PCDHA7: variants seen among roughly 807,000 people sequenced by gnomAD.
The protein encoded by PCDHA7 is protocadherin alpha-7.
Under a neutral mutation model 57.2 loss-of-function variants are expected in PCDHA7, and 37 were observed. The ratio of observed to expected loss-of-function variants is 0.65; its 90% CI spans 0.50 to 0.85. The LOEUF is 0.85. Ranked by LOEUF, PCDHA7 falls within the 40% of genes least tolerant of loss-of-function variation. The pLI is 0.00. For missense variants in PCDHA7, 1,188 were observed against 1,241.8 expected (o/e 0.96, Z 0.65); for synonymous variants, 553 against 558.8 (o/e 0.99, Z 0.15).
intron 1 of PCDHA7, chr5:140,854,181 AGTT>A: frequency 2.3e-6 from 1 of 434,280 alleles, no homozygotes; most frequent in Non-Finnish European, 3.0e-6. Context: ...AAAAAAGAGT[AGTT>A]TAACTACTCC....
intron 1 of PCDHA7, chr5:140,860,372 C>A (rs1315450697): frequency 1.3e-5 from 2 of 151,984 alleles, no homozygotes; most frequent in Non-Finnish European, 2.9e-5. Flanking sequence ...CAAAGTGAGA[C>A]CCTATTTCAA....
Position 141,000,581 on chromosome 5 carries a change from C to G in PCDHA7, c.2504-9046C>G, listed in dbSNP as rs960660351. On this transcript the variant is annotated intron_variant, in intron 3 of 3. Transcript: ENST00000525929. ...TAGCTGGGATTACAGGTGCCTGCCA[C>G]CATGCCCAGCTAATTTTTGTATTTT... is the stretch of plus-strand genomic sequence containing the variant. 2.0e-5 allele frequency among the ~76,000 whole-genome samples: 3 copies of G among 150,722 alleles called. No individual in the cohort carries two copies. In the East Asian group the frequency reaches 5.8e-4, roughly 29 times the overall value.
chr5:140,883,881 G>A (rs782379771), intron 1 of PCDHA7: 13 of 1,613,320 alleles, frequency 8.1e-6, no homozygotes, highest in Non-Finnish European at 1.1e-5. Flanking sequence ...GTGAGCGCGC[G>A]CGACTCTGGC....
intron 3 of PCDHA7, among the ~76,000 whole-genome samples, chr5:140,984,938 G>A (rs1355399601): frequency 2.0e-5 from 3 of 151,924 alleles, no homozygotes; most frequent in Non-Finnish European, 2.9e-5. Flanking sequence ...GTTAATAAAT[G>A]TCTAATCTTT....
Position 140,869,893 on chromosome 5 carries a change from C to G in PCDHA7, c.2355+33155C>G, listed in dbSNP as rs375422597. 3 of 1,610,510 alleles carry G rather than the reference C, an allele frequency of 1.9e-6. No homozygotes were observed. The African/African-American group carries it at 4.0e-5, about 21-fold the overall frequency. ...TGCTAAAGAAACTCTTGTGCTCAAA[C>G]TAAACGCCACAGACCGAGACGAAGG... On this transcript the variant is annotated intron_variant, in intron 1 of 3. Transcript: ENST00000525929.
chr5:140,921,228 T>G (rs1401455945), intron 1 of PCDHA7, among the ~76,000 whole-genome samples: 11 of 152,154 alleles, frequency 7.2e-5, no homozygotes, highest in African/African-American at 2.7e-4. Context: ...TTTTGCTAGA[T>G]GATATTAAGC....
rs116952410 is a variant in PCDHA7, at chr5:140,893,392, C to A, written c.2355+56654C>A. On this transcript the variant is annotated intron_variant, in intron 1 of 3. Coordinates refer to ENST00000525929, the MANE Select transcript of PCDHA7 (RefSeq NM_018910.3). ...AGCATTTATGGGACAGTGGCTCATG[C>A]CTGTAATCCCAGCACTTAGGGAGGC... 2.0e-5 allele frequency among the ~76,000 whole-genome samples: 3 copies of A among 152,230 alleles called. No individual in the cohort carries two copies. The East Asian group carries it at 5.8e-4, about 29-fold the overall frequency.
intron 3 of PCDHA7, among the ~76,000 whole-genome samples, chr5:140,991,587 C>T (rs1469333893): frequency 1.3e-5 from 2 of 152,208 alleles, no homozygotes; most frequent in African/African-American, 2.4e-5. Flanking sequence ...CTTATTTCTA[C>T]CTGAGCCCTC....
intron 1 of PCDHA7, among the ~76,000 whole-genome samples, chr5:140,897,497 G>C (rs1554187423): frequency 6.6e-6 from 1 of 152,010 alleles, no homozygotes; most frequent in Admixed American, 6.6e-5. Flanking sequence ...TTTCAACCAT[G>C]TCCCTACAAA....
At chr5:140,862,972 C>T (rs1554157331) in intron 1 of PCDHA7, 1 of 545,254 alleles carries the variant, frequency 1.8e-6, no homozygotes, top group Non-Finnish European at 3.6e-6. Flanking sequence ...ATGCAGGCCA[C>T]TTGGTGGCGA....
chr5:140,896,561 G>C (rs1562891119), intron 1 of PCDHA7, among the ~76,000 whole-genome samples: 2 of 150,758 alleles, frequency 1.3e-5, no homozygotes, highest in Non-Finnish European at 2.9e-5. Flanking sequence ...ATTTTAAGTA[G>C]AGATGGGGTT....
At chr5:140,877,258 G>A in intron 1 of PCDHA7, 1 of 1,613,780 alleles carries the variant, frequency 6.2e-7, no homozygotes, top group South Asian at 1.1e-5. Flanking sequence ...GAAAGTGCGC[G>A]CGGTGGACGC....
chr5:140,877,604 T>G (rs376081263), intron 1 of PCDHA7: 2 of 1,613,768 alleles, frequency 1.2e-6, no homozygotes, highest in African/African-American at 1.3e-5. Context: ...TCCAGCCTGC[T>G]GGTGCTCACG....
chr5:140,851,571 A>C (rs1036529099), intron 1 of PCDHA7: 1 of 908,760 alleles, frequency 1.1e-6, no homozygotes, highest in Admixed American at 6.3e-5. Context: ...TTTTGTCTAC[A>C]CTTAGAACAT....
intron 1 of PCDHA7, among the ~76,000 whole-genome samples, chr5:140,957,050 A>T (rs246010): frequency 0.56 from 85,650 of 151,948 alleles, 24,767 homozygotes; most frequent in African/African-American, 0.69. Context: ...TATAAAATAA[A>T]TTATAAATGT....
At chr5:141,000,347 C>T (rs1587871994) in intron 3 of PCDHA7, among the ~76,000 whole-genome samples, 1 of 114,796 alleles carries the variant, frequency 8.7e-6, no homozygotes, top group Non-Finnish European at 1.8e-5. Flanking sequence ...CTATCTCTCT[C>T]TCTGTCTCTC....
intron 1 of PCDHA7, chr5:140,877,542 A>G (rs782391639): frequency 1.9e-6 from 3 of 1,613,752 alleles, no homozygotes; most frequent in Non-Finnish European, 2.5e-6. Flanking sequence ...TGGATCCCGA[A>G]GCGGCTCTGG....
At position 140,870,724 on chromosome 5, in the gene PCDHA7, G is replaced by T. The variant is rs140203389; in HGVS notation, c.2355+33986G>T. 8.1e-4 allele frequency: 1,312 copies of T among 1,613,160 alleles called. 10 individuals carry two copies. In the African/African-American group the frequency reaches 0.014, roughly 18 times the overall value. On this transcript the variant is annotated intron_variant, in intron 1 of 3. Coordinates refer to ENST00000525929, the MANE Select transcript of PCDHA7 (RefSeq NM_018910.3). ...CCAGGTGAGCGCGCGCGATGCGGGC[G>T]TGCCGCCTCTGAGCAGCAACGTGAC...
chr5:140,858,272 G>C, intron 1 of PCDHA7: 1 of 1,597,346 alleles, frequency 6.3e-7, no homozygotes, highest in Non-Finnish European at 8.6e-7. Flanking sequence ...GTGCTCTAGC[G>C]CGGTGGGGAG....
Sources: allele counts gnomAD v4.1 joint callset (sites outside exome capture counted in the v4.1 genomes callset), GRCh38; gene constraint gnomAD v4.1.1; transcripts MANE v1.5; gene names NCBI Gene and HGNC (gene_info 2026-07-23, HGNC 2026-07-21).